Variants in KIF1A observed in about 807,000 individuals in gnomAD.
KIF1A encodes kinesin family member 1A.
In KIF1A, 46 loss-of-function variants were observed where a neutral mutation model predicts 227.3. The ratio of observed to expected loss-of-function variants is 0.20; its 90% CI spans 0.16 to 0.26. The LOEUF (loss-of-function observed/expected upper bound fraction) is 0.26, where lower values mean the gene tolerates loss of function less well. KIF1A is among the 10% of genes least tolerant of loss of function. The probability of loss-of-function intolerance (pLI) is 1.00; values close to 1 mark genes in which losing one functional copy is unlikely to be tolerated. For missense variants in KIF1A, 1,683 were observed against 2,485.9 expected (o/e 0.68, Z 6.87); for synonymous variants, 1,022 against 1,012.8 (o/e 1.01, Z -0.17).
chr2:240,786,521 G>A lies in KIF1A; in HGVS notation c.430-8C>T, dbSNP rs1180572370. 2 of 1,612,008 alleles carry A rather than the reference G, an allele frequency of 1.2e-6. No individual in the cohort carries two copies. The highest frequency in any genetic ancestry group is 8.5e-7 in the Non-Finnish European group (1 of 1,179,284). On this transcript the variant is annotated splice_region_variant and splice_polypyrimidine_tract_variant and intron_variant, in intron 5 of 48. Coordinates refer to ENST00000498729, the MANE Select transcript of KIF1A (RefSeq NM_001244008.2). ...AATCTCCATGTAGCTGACCTGCAGG[G>A]CAGAGCCAGGCCATCAGGGGCCCCT...
rs775546272 is a variant in KIF1A at position 240,767,030 on chromosome 2, TG to T, written c.1578-10del. ...CATCCTCCCTGCCCACTCTGCGGGG[TG>T]GGGGCACCATCAGCACGGCAGCTGG... On this transcript the variant is annotated splice_polypyrimidine_tract_variant and intron_variant, in intron 18 of 48. Transcript: ENST00000498729. The T allele has an allele frequency of 4.4e-6, 7 of 1,591,986 alleles. No individual in the cohort carries two copies. Among genetic ancestry groups the T allele is most frequent in the Non-Finnish European group, 6.0e-6 (7 of 1,164,908 alleles).
In KIF1A at chr2:240,783,407, C is replaced by T. The variant is rs538321400; in HGVS notation, c.799-298G>A. Among the ~76,000 whole-genome samples, 10 of 152,342 alleles carry T rather than the reference C, an allele frequency of 6.6e-5. No homozygotes were observed. The South Asian group carries it at 1.5e-3, about 22-fold the overall frequency. On this transcript the variant is annotated intron_variant, in intron 8 of 48. Transcript: ENST00000498729. ...ATCTAGTGCTGAGGCCAGCAGGGGT[C>T]GAGGAAACACACTCCTTCCCGACCC...
chr2:240,753,769 C>T lies in KIF1A; in HGVS notation c.2859-3222G>A, dbSNP rs144219496. Among the ~76,000 whole-genome samples, 584 of 152,298 alleles carry T rather than the reference C, an allele frequency of 3.8e-3. 1 individual carries two copies. Among genetic ancestry groups the T allele is most frequent in the Middle Eastern group, 0.024 (7 of 294 alleles). On this transcript the variant is annotated intron_variant, in intron 27 of 48. Transcript: ENST00000498729. ...GAGATGCAAAAAATCCACCCAGGGT[C>T]TCAGCACATTAGAACGATGAAATAT...
Position 240,740,080 on chromosome 2 carries a change from C to A in KIF1A, c.3879G>T (p.Lys1293Asn). ...LHETGSHIRW[K>N]EVRELVVGRI... ...CACCCACGACCAGCTCGCGCACTTC[C>A]TTCCAGCGGATATGGCTGCCTGTCT... is the stretch of plus-strand genomic sequence containing the variant. The change falls in exon 37 of 49, where the codon AAG becomes AAT. Residue 1293 changes from lysine (K) to asparagine (N), a missense_variant. By Grantham distance (94) the Lys-to-Asn change is moderately conservative. This residue lies in a region of KIF1A where 759 missense variants were observed against 1,020.2 expected (regional missense o/e 0.74). Coordinates refer to ENST00000498729, the MANE Select transcript of KIF1A (RefSeq NM_001244008.2). This position sits in a 1 kb window ranked among gnomAD's most constrained non-coding sequence, Gnocchi z 6.1. 1 of 1,589,246 alleles carries A rather than the reference C, an allele frequency of 6.3e-7. No individual in the cohort carries two copies. Among genetic ancestry groups the A allele is most frequent in the East Asian group, 2.3e-5 (1 of 43,296 alleles).
Position 240,745,537 on chromosome 2 carries a change from C to T in KIF1A, c.3375-20G>A, listed in dbSNP as rs372648034. ...ATGAAGCTGCAAAGCAGAGGAGATG[C>T]TTTGGTGTGGGGTGGGGGACTTGGG... On this transcript the variant is annotated intron_variant, in intron 31 of 48. Transcript: ENST00000498729. 7 of 1,594,786 alleles carry T rather than the reference C, an allele frequency of 4.4e-6. No individual in the cohort carries two copies. Among genetic ancestry groups the T allele is most frequent in the Non-Finnish European group, 6.0e-6 (7 of 1,166,626 alleles).
intron 10 of KIF1A, among the ~76,000 whole-genome samples, 166 bp downstream of exon 10, chr2:240,782,424 C>T (rs897141091): frequency 3.3e-5 from 5 of 152,160 alleles, no homozygotes; most frequent in Non-Finnish European, 7.3e-5. Context: ...AGGCACCGCA[C>T]GGGGCCTCCC....
At chr2:240,803,448 G>A (rs1000338305) in intron 1 of KIF1A, among the ~76,000 whole-genome samples, 5 of 152,214 alleles carry the variant, frequency 3.3e-5, no homozygotes, top group African/African-American at 1.2e-4. Context: ...TTCTAGATCA[G>A]TCTCCACGCA....
At chr2:240,787,367 G>T (rs1267030590) in intron 4 of KIF1A, 51 bp from the exon 5 acceptor site, 3 of 1,520,962 alleles carry the variant, frequency 2.0e-6, no homozygotes, top group Non-Finnish European at 2.7e-6. Flanking sequence ...CTGCTCCCTG[G>T]ATCCCTGCCC....
chr2:240,737,241 G>T, intron 37 of KIF1A, 73 bp from the exon 38 acceptor site: 1 of 1,198,226 alleles, frequency 8.3e-7, no homozygotes, highest in Non-Finnish European at 1.2e-6. Context: ...GCCTCAGGTG[G>T]GGGTCCTGTC....
intron 1 of KIF1A, among the ~76,000 whole-genome samples, chr2:240,810,690 C>T (rs746360787): frequency 2.0e-5 from 3 of 152,318 alleles, no homozygotes; most frequent in African/African-American, 7.2e-5. Flanking sequence ...GCAGGCCCCT[C>T]GAAGTTTCAA....
chr2:240,757,395 C>T lies in KIF1A; in HGVS notation c.2782G>A (p.Val928Ile), dbSNP rs1477174825. ...TCGCACAGCGCGTGCTCCGGAAAGA[C>T]GTCGTCCTCCAGGTCCTCCTCCTCC... ...DEEEEDLEDD[V>I]FPEHALCDGR... Residue 928 changes from valine to isoleucine, a missense_variant, in exon 27 of 49, where the codon GTC becomes ATC. Coordinates refer to ENST00000498729, the MANE Select transcript of KIF1A (RefSeq NM_001244008.2). The surrounding 1 kb of genome is among the most constrained non-coding windows in gnomAD (Gnocchi z 6.2). The T allele has an allele frequency of 2.6e-6, 4 of 1,548,874 alleles. No individual in the cohort carries two copies. The highest frequency in any genetic ancestry group is 4.9e-5 in the East Asian group (2 of 40,762).
chr2:240,744,958 G>A lies in KIF1A; in HGVS notation c.3465+469C>T, dbSNP rs113826966. Among the ~76,000 whole-genome samples the A allele has an allele frequency of 7.9e-5, 12 of 152,198 alleles. 1 individual carries two copies. The highest frequency in any genetic ancestry group is 2.4e-4 in the African/African-American group (10 of 41,512). ...TCCCGCCTGGAGAAGGAGCTGCTCC[G>A]CCTTAAAGGCCCCTCCTCTCCATCA... On this transcript the variant is annotated intron_variant, in intron 32 of 48. Transcript: ENST00000498729.
chr2:240,788,041 C>CCCCAGGG lies in KIF1A; in HGVS notation c.363+9_363+10insCCCTGGG. 1 of 1,520,684 alleles carries CCCCAGGG rather than the reference C, an allele frequency of 6.6e-7. No homozygotes were observed. The highest frequency in any genetic ancestry group is 8.9e-7 in the Non-Finnish European group (1 of 1,121,318). 94.2% of individuals were successfully genotyped at this position (1,520,684 alleles called of 1,614,324 possible). ...GCCAGGGCTGCCCCCGCCCGCCCCC[C>CCCCAGGG]GCTTCGTGCCTGTGGGATGATGCCC... On this transcript the variant is annotated intron_variant, in intron 4 of 48. Coordinates refer to ENST00000498729, the MANE Select transcript of KIF1A (RefSeq NM_001244008.2). This position sits in a 1 kb window ranked among gnomAD's most constrained non-coding sequence, Gnocchi z 6.6.
rs1259929963 is a variant in KIF1A, at chr2:240,747,336, G to C, written c.2978-15C>G. 1.2e-6 allele frequency: 2 copies of C among 1,609,106 alleles called. No homozygotes were observed. The highest frequency in any genetic ancestry group is 2.7e-5 in the African/African-American group (2 of 74,812). On this transcript the variant is annotated splice_polypyrimidine_tract_variant and intron_variant, in intron 28 of 48. Coordinates refer to ENST00000498729, the MANE Select transcript of KIF1A (RefSeq NM_001244008.2). ...CTCTTCATCGGCTGCAGGAGAAACA[G>C]AGCAAATGGTTGGAGCCCAGCTTGT... is the stretch of plus-strand genomic sequence containing the variant.
At position 240,750,491 on chromosome 2, in the gene KIF1A, G is replaced by C; in HGVS notation, c.2915C>G (p.Ala972Gly). The change falls in exon 28 of 49, where the codon GCA becomes GGA. Residue 972 changes from alanine to glycine, a missense_variant. Ala to Gly is a moderately conservative substitution (Grantham distance 60). Around this residue, in one of 12 missense-constraint regions of KIF1A, gnomAD observed 759 missense variants for 1,020.2 expected, o/e 0.74. Coordinates refer to ENST00000498729, the MANE Select transcript of KIF1A (RefSeq NM_001244008.2). ...CACCTCGCCCTTCTCGCTGACGATT[G>C]CCACACGGTGTACCAGGGGAACGGG... is the stretch of plus-strand genomic sequence containing the variant. ...LYPVPLVHRV[A>G]IVSEKGEVKG... is the part of the protein sequence containing the mutation. The C allele has an allele frequency of 6.2e-7, 1 of 1,613,932 alleles. No individual in the cohort carries two copies. The highest frequency in any genetic ancestry group is 1.1e-5 in the South Asian group (1 of 91,086).
intron 45 of KIF1A, chr2:240,720,482 T>A (rs1200331081): frequency 1.3e-5 from 2 of 159,536 alleles, no homozygotes; most frequent in Admixed American, 6.1e-5. Context: ...GTGAAAAGCA[T>A]CTGCCTGCTT....
chr2:240,757,347 G>A lies in KIF1A; in HGVS notation c.2830C>T (p.Arg944Trp), dbSNP rs372644722. Reference protein sequence around the residue: ...LCDGRDPFYDRPPLFSLVGRA... With the variant: ...LCDGRDPFYDWPPLFSLVGRA... ...CCTACTAAACTGAACAGGGGGGGCC[G>A]GTCGTAAAACGGGTCCCGGCCGTCG... The change falls in exon 27 of 49, where the codon CGG becomes TGG. Residue 944 changes from arginine (R) to tryptophan (W), a missense_variant. This residue lies in a region of KIF1A where 759 missense variants were observed against 1,020.2 expected (regional missense o/e 0.74). Transcript: ENST00000498729. This position sits in a 1 kb window ranked among gnomAD's most constrained non-coding sequence, Gnocchi z 6.2. 2.6e-5 allele frequency: 40 copies of A among 1,550,614 alleles called. No homozygotes were observed. In the East Asian group the frequency reaches 4.6e-4, roughly 18 times the overall value.
chr2:240,809,668 A>ATTTTTTTT lies in KIF1A; in HGVS notation c.-61+10446_-61+10453dup, dbSNP rs59491347. Among the ~76,000 whole-genome samples the ATTTTTTTT allele has an allele frequency of 4.5e-4, 63 of 140,354 alleles. 1 individual carries two copies. Among genetic ancestry groups the ATTTTTTTT allele is most frequent in the African/African-American group, 1.7e-3 (62 of 37,302 alleles). The allele number at this position is 140,354 out of a possible 152,430, so 92.1% of individuals were successfully genotyped here. ...TCTTCACGCTACCCCTAGGGAAGGAATTTTTTTTTTTTTTTTTTGAGACAG... is the reference window on the plus strand; with the variant it reads ...TCTTCACGCTACCCCTAGGGAAGGAATTTTTTTTTTTTTTTTTTTTTTTTTTGAGACAG... On this transcript the variant is annotated intron_variant, in intron 1 of 48. Coordinates refer to ENST00000498729, the MANE Select transcript of KIF1A (RefSeq NM_001244008.2).
chr2:240,812,490 G>T (rs2057941979), intron 1 of KIF1A, among the ~76,000 whole-genome samples: 1 of 152,038 alleles, frequency 6.6e-6, no homozygotes, highest in Non-Finnish European at 1.5e-5. Flanking sequence ...TTTACCTCGG[G>T]ATCTGCCTTC....
Sources: allele counts gnomAD v4.1 joint callset (sites outside exome capture counted in the v4.1 genomes callset), GRCh38; gene constraint gnomAD v4.1.1; regional missense constraint gnomAD v4.1.1; non-coding constraint Gnocchi (gnomAD v3.1); transcripts MANE v1.5; gene names NCBI Gene and HGNC (gene_info 2026-07-23, HGNC 2026-07-21).